ARID1B: variants seen among roughly 807,000 people sequenced by gnomAD.
The protein encoded by ARID1B is AT-rich interactive domain-containing protein 1B.
Under a neutral mutation model 212.3 loss-of-function variants are expected in ARID1B, and 30 were observed. That is an observed-to-expected ratio of 0.14 (90% confidence interval 0.11 to 0.19). ARID1B has a LOEUF of 0.19. Among genes scored for constraint, ARID1B ranks in the 10% least tolerant of loss-of-function variants. The pLI is 1.00. For missense variants in ARID1B, 2,891 were observed against 3,204.0 expected (o/e 0.90, Z 2.36); for synonymous variants, 1,402 against 1,301.7 (o/e 1.08, Z -1.66).
chr6:156,910,668 T>G (rs1255224708), intron 3 of ARID1B, among the ~76,000 whole-genome samples: 2 of 152,148 alleles, frequency 1.3e-5, no homozygotes, highest in East Asian at 1.9e-4. Flanking sequence ...GTATTTTGGG[T>G]TTTTCAATCA....
At chr6:157,032,580 A>T (rs187194949) in intron 4 of ARID1B, among the ~76,000 whole-genome samples, 9 of 152,332 alleles carry the variant, frequency 5.9e-5, no homozygotes, top group Admixed American at 5.9e-4. Flanking sequence ...AGGTGTACAC[A>T]TAAACCTGGA....
rs944000747 is a variant in ARID1B, at chr6:157,206,078, G to A, written c.5395-89G>A. On this transcript the variant is annotated intron_variant, in intron 19 of 19. Transcript: ENST00000636930. This position sits in a 1 kb window ranked among gnomAD's most constrained non-coding sequence, Gnocchi z 6.8. ...GTGACAATGATGGAAAGGTATTGAC[G>A]GGTCTCAGGATCTTTACCCTCCTCG... is the stretch of plus-strand genomic sequence containing the variant. 5.8e-6 allele frequency: 8 copies of A among 1,371,270 alleles called. No homozygotes were observed. The highest frequency in any genetic ancestry group is 2.9e-5 in the African/African-American group (2 of 69,142). 84.9% of individuals were successfully genotyped at this position (1,371,270 alleles called of 1,614,324 possible). A position where few individuals can be genotyped will look rare whatever the true frequency, so the allele number is the denominator to read the frequency against.
intron 3 of ARID1B, among the ~76,000 whole-genome samples, chr6:156,914,323 T>C (rs1790172555): frequency 6.6e-6 from 1 of 152,224 alleles, no homozygotes; most frequent in African/African-American, 2.4e-5. Context: ...CAGTGTTCTG[T>C]TATTCAGCCT....
In ARID1B at chr6:156,778,955, G is replaced by A; in HGVS notation, c.1275G>A (p.Ala425=). The A allele has an allele frequency of 2.3e-6, 3 of 1,287,334 alleles. No individual in the cohort carries two copies. Among genetic ancestry groups the A allele is most frequent in the Non-Finnish European group, 2.9e-6 (3 of 1,026,114 alleles). 79.7% of individuals were successfully genotyped at this position (1,287,334 alleles called of 1,614,324 possible). A position where few individuals can be genotyped will look rare whatever the true frequency, so the allele number is the denominator to read the frequency against. ...GGAGAGAVAA[A]AAAAAAAAGG... ...CAGGAGCGGGAGCTGTGGCGGCGGCGGCCGCGGCGGCGGCGGCAGCAGCAG... is the reference window on the plus strand; with the variant it reads ...CAGGAGCGGGAGCTGTGGCGGCGGCAGCCGCGGCGGCGGCGGCAGCAGCAG... The change falls in exon 1 of 20, where the codon GCG becomes GCA. Residue 425 remains alanine, a synonymous_variant. Transcript: ENST00000636930.
intron 6 of ARID1B, among the ~76,000 whole-genome samples, chr6:157,111,709 ACATAT>A (rs1305713333): frequency 6.6e-6 from 1 of 152,244 alleles, no homozygotes; most frequent in Admixed American, 6.5e-5. Flanking sequence ...TGCTTTCTCT[ACATAT>A]CATTTGTGTT....
chr6:157,007,081 CTG>C (rs779054940), intron 4 of ARID1B, among the ~76,000 whole-genome samples: 7 of 152,122 alleles, frequency 4.6e-5, no homozygotes, highest in Non-Finnish European at 8.8e-5. Context: ...CATGGGAGAA[CTG>C]TGTGTATAAA....
rs566630180 is a variant in ARID1B, at chr6:156,870,737, A to G, written c.1987-30639A>G. ...CTTAAAATGGTAGTGTTAAAAAAAA[A>G]AAAAGTCACATATATCCAGCTAAGA... On this transcript the variant is annotated intron_variant, in intron 2 of 19. Transcript: ENST00000636930. Among the ~76,000 whole-genome samples the G allele has an allele frequency of 4.6e-5, 7 of 152,108 alleles. 1 individual carries two copies. The highest frequency in any genetic ancestry group is 1.0e-4 in the Non-Finnish European group (7 of 68,028).
intron 2 of ARID1B, among the ~76,000 whole-genome samples, chr6:156,836,158 C>T (rs749155357): frequency 8.5e-5 from 13 of 152,094 alleles, no homozygotes; most frequent in Non-Finnish European, 1.8e-4. Flanking sequence ...TGAACAACAA[C>T]GGAAATCCCA....
At chr6:156,983,635 G>A (rs1031516156) in intron 4 of ARID1B, among the ~76,000 whole-genome samples, 8 of 152,120 alleles carry the variant, frequency 5.3e-5, no homozygotes, top group African/African-American at 1.4e-4. Flanking sequence ...CTGACATTAC[G>A]GGGCTGGGCT....
chr6:156,821,657 C>T (rs868103934), intron 1 of ARID1B, among the ~76,000 whole-genome samples: 1 of 152,144 alleles, frequency 6.6e-6, no homozygotes, highest in African/African-American at 2.4e-5. Flanking sequence ...ATTGTGATAA[C>T]GTGAGAATAT....
At chr6:156,798,112 A>G (rs1156997449) in intron 1 of ARID1B, among the ~76,000 whole-genome samples, 1 of 152,250 alleles carries the variant, frequency 6.6e-6, no homozygotes, top group African/African-American at 2.4e-5. Flanking sequence ...GGCTCTGGAC[A>G]GCTGGAAGAG....
chr6:157,060,326 C>T (rs533996974), intron 4 of ARID1B, among the ~76,000 whole-genome samples: 5 of 152,096 alleles, frequency 3.3e-5, no homozygotes, highest in East Asian at 1.9e-4. Flanking sequence ...TAGACATGTG[C>T]GCAACTTTTT....
intron 6 of ARID1B, among the ~76,000 whole-genome samples, chr6:157,123,473 C>G (rs1787918435): frequency 6.6e-6 from 1 of 152,210 alleles, no homozygotes; most frequent in Admixed American, 6.5e-5. Context: ...GAGGCAGGAT[C>G]CCCCTCAGCT....
chr6:156,990,502 G>T (rs11156128), intron 4 of ARID1B, among the ~76,000 whole-genome samples: 1 of 151,854 alleles, frequency 6.6e-6, no homozygotes, highest in African/African-American at 2.4e-5. Flanking sequence ...TTAGCTGGGC[G>T]TGGTATCATG....
At position 157,206,561 on chromosome 6, in the gene ARID1B, G is replaced by A. The variant is rs1201052597; in HGVS notation, c.5789G>A (p.Gly1930Glu). Residue 1930 changes from glycine to glutamate, a missense_variant, in exon 20 of 20, where the codon GGG becomes GAG. Transcript: ENST00000636930. This position sits in a 1 kb window ranked among gnomAD's most constrained non-coding sequence, Gnocchi z 6.8. ...LFVVDRSDKL[G>E]RVQEFNSGLL... is the part of the protein sequence containing the mutation. ...GTTGTTGACCGATCTGACAAGTTGG[G>A]GCGTGTGCAGGAGTTCAATAGTGGC... 1.9e-6 allele frequency: 3 copies of A among 1,614,122 alleles called. No homozygotes were observed. In the South Asian group the frequency reaches 3.3e-5, roughly 18 times the overall value.
At chr6:156,889,698 A>G (rs769699924) in intron 2 of ARID1B, among the ~76,000 whole-genome samples, 8 of 152,168 alleles carry the variant, frequency 5.3e-5, no homozygotes, top group Admixed American at 2.0e-4. Flanking sequence ...CGTTTGTGCT[A>G]TTCTAGCTGC....
intron 2 of ARID1B, among the ~76,000 whole-genome samples, chr6:156,852,921 C>T (rs1472032125): frequency 6.6e-6 from 1 of 152,110 alleles, no homozygotes; most frequent in African/African-American, 2.4e-5. Flanking sequence ...GTTTGAAAAC[C>T]CAAAGCTTCC....
intron 4 of ARID1B, among the ~76,000 whole-genome samples, chr6:157,073,420 T>C (rs1397869385): frequency 1.3e-5 from 2 of 152,162 alleles, no homozygotes; most frequent in Non-Finnish European, 2.9e-5. Flanking sequence ...ACCCCATCTT[T>C]TAAGTGAGAT....
chr6:157,192,799 G>A (rs990596257), intron 15 of ARID1B, among the ~76,000 whole-genome samples: 5 of 152,166 alleles, frequency 3.3e-5, no homozygotes, highest in African/African-American at 9.7e-5. Context: ...GAAAATCCAC[G>A]GGAAACACAT....
Sources: gnomAD v4.1 joint callset for allele counts (sites outside exome capture counted in the v4.1 genomes callset) on GRCh38, gnomAD v4.1.1 for gene constraint, Gnocchi (gnomAD v3.1) non-coding constraint, MANE v1.5 for transcripts, NCBI Gene and HGNC (gene_info 2026-07-23, HGNC 2026-07-21) for gene names.